The following ERP44 variants were observed in gnomAD, a reference collection of about 807,000 sequenced individuals.
ERP44 encodes the protein endoplasmic reticulum protein 44, also known as endoplasmic reticulum resident protein 44.
A neutral mutation model predicts 53.4 loss-of-function variants in ERP44; 25 were observed. The ratio of observed to expected loss-of-function variants is 0.47; its 90% CI spans 0.34 to 0.65. The LOEUF is 0.65. Ranked by LOEUF, ERP44 falls within the 30% of genes least tolerant of loss-of-function variation. The pLI is 0.01. For synonymous variants in ERP44, 145 were observed against 161.2 expected (o/e 0.90, Z 0.76); for missense variants, 338 against 493.2 (o/e 0.69, Z 2.98).
intron 1 of ERP44, among the ~76,000 whole-genome samples, chr9:100,063,510 C>T (rs1438559358): frequency 6.6e-6 from 1 of 152,138 alleles, no homozygotes; most frequent in Non-Finnish European, 1.5e-5. Flanking sequence ...GGGAAAACAT[C>T]TTCATGTGTC....
At chr9:100,043,167 G>A (rs1281202234) in intron 4 of ERP44, among the ~76,000 whole-genome samples, 2 of 145,222 alleles carry the variant, frequency 1.4e-5, no homozygotes, top group African/African-American at 5.1e-5. Context: ...GCTGAGGCAG[G>A]AGAATGGCCT....
intron 4 of ERP44, 110 bp from the exon 5 acceptor site, chr9:100,022,336 C>T (rs1830600827): frequency 1.4e-6 from 1 of 718,270 alleles, no homozygotes; most frequent in Admixed American, 3.3e-5. Flanking sequence ...TGGTTCAAGT[C>T]ATTGTTTTTC....
In ERP44 at chr9:99,979,465, A is replaced by G. The variant is rs1365674500; in HGVS notation, c.*3147T>C. On this transcript the variant is annotated 3_prime_UTR_variant, in exon 12 of 12. Coordinates refer to ENST00000262455, the MANE Select transcript of ERP44 (RefSeq NM_015051.3). ...ATGCCAGTTTTCCCTTCTTTTGCAA[A>G]TGATCTTTGACAACCTGGCTTCATC... The G allele has an allele frequency of 1.3e-5, 2 of 152,526 alleles. No individual in the cohort carries two copies. Among genetic ancestry groups the G allele is most frequent in the Admixed American group, 1.3e-4 (2 of 15,288 alleles). 9.4% of individuals were successfully genotyped at this position (152,526 alleles called of 1,614,324 possible). A position where few individuals can be genotyped will look rare whatever the true frequency, so the allele number is the denominator to read the frequency against.
chr9:99,998,769 C>T lies in ERP44; in HGVS notation c.1016+7737G>A. ...CTCTTCCCGCAAACGTTTCTTTTCT[C>T]TCTCCTCCTCCGTTCTTCTCGCTTC... is the stretch of plus-strand genomic sequence containing the variant. On this transcript the variant is annotated intron_variant, in intron 10 of 11. Transcript: ENST00000262455. The T allele has an allele frequency of 3.7e-6, 3 of 806,656 alleles. No individual in the cohort carries two copies. In the South Asian group the frequency reaches 4.7e-5, roughly 13 times the overall value. The allele number at this position is 806,656 out of a possible 1,614,324, so 50.0% of individuals were successfully genotyped here. A position where few individuals can be genotyped will look rare whatever the true frequency, so the allele number is the denominator to read the frequency against.
intron 1 of ERP44, among the ~76,000 whole-genome samples, chr9:100,071,402 G>A (rs1334337974): frequency 6.6e-6 from 1 of 152,076 alleles, no homozygotes; most frequent in African/African-American, 2.4e-5. Flanking sequence ...GACTGTTTTT[G>A]GGTGAGTAAA....
chr9:100,078,616 G>A (rs773722768), intron 1 of ERP44, among the ~76,000 whole-genome samples: 4 of 152,000 alleles, frequency 2.6e-5, no homozygotes, highest in African/African-American at 7.3e-5. Context: ...TTAGCTGGGC[G>A]TGGTAGCAGG....
chr9:100,064,356 C>T (rs1305691965), intron 1 of ERP44, among the ~76,000 whole-genome samples: 2 of 151,916 alleles, frequency 1.3e-5, no homozygotes, highest in Non-Finnish European at 2.9e-5. Flanking sequence ...TTTAGAGAGA[C>T]GATATTGGAT....
At chr9:100,077,785 G>A (rs752473225) in intron 1 of ERP44, among the ~76,000 whole-genome samples, 4 of 152,232 alleles carry the variant, frequency 2.6e-5, no homozygotes, top group Non-Finnish European at 5.9e-5. Flanking sequence ...GATGCAATCA[G>A]TCTACTACTC....
rs1262396755 is a variant in ERP44 at position 99,985,061 on chromosome 9, C to T, written c.1025G>A (p.Gly342Glu). ...GTCAAATACGAATTGCTTGAGTTTT[C>T]CAGGAATTCTAAAACCAGAGTCAAA... Reference protein sequence around the residue: ...FGDFKDVLIPGKLKQFVFDLH... With the variant: ...FGDFKDVLIPEKLKQFVFDLH... The change falls in exon 11 of 12, where the codon GGA becomes GAA. Residue 342 changes from glycine to glutamate, a missense_variant. Coordinates refer to ENST00000262455, the MANE Select transcript of ERP44 (RefSeq NM_015051.3). 45 of 1,606,072 alleles carry T rather than the reference C, an allele frequency of 2.8e-5. No individual in the cohort carries two copies. The highest frequency in any genetic ancestry group is 3.8e-5 in the Non-Finnish European group (44 of 1,173,040).
chr9:100,069,841 T>C lies in ERP44; in HGVS notation c.58-9669A>G, dbSNP rs187848697. On this transcript the variant is annotated intron_variant, in intron 1 of 11. Transcript: ENST00000262455. ...GCAATTCATACTTTTTCTTGAATTT[T>C]AGTTATTTGATCATGCATGAATTTC... Among the ~76,000 whole-genome samples, 893 of 152,352 alleles carry C rather than the reference T, an allele frequency of 5.9e-3. 7 individuals carry two copies. Among genetic ancestry groups the C allele is most frequent in the South Asian group, 0.019 (92 of 4,830 alleles).
At chr9:100,073,451 A>G (rs1014446934) in intron 1 of ERP44, among the ~76,000 whole-genome samples, 2 of 152,126 alleles carry the variant, frequency 1.3e-5, no homozygotes, top group Admixed American at 1.3e-4. Context: ...TACCACTCAC[A>G]ATGTAACCTT....
Position 99,980,237 on chromosome 9 carries a change from G to A in ERP44, c.*2375C>T. ...TCATTGTTTACATATCCATATGCCT[G>A]ACTAGGCTGTGAACAACTCTAGGGC... On this transcript the variant is annotated 3_prime_UTR_variant, in exon 12 of 12. Transcript: ENST00000262455. 7.6e-6 allele frequency: 3 copies of A among 394,956 alleles called. No homozygotes were observed. The Admixed American group carries it at 1.3e-4, about 17-fold the overall frequency. 24.5% of individuals were successfully genotyped at this position (394,956 alleles called of 1,614,324 possible). A position where few individuals can be genotyped will look rare whatever the true frequency, so the allele number is the denominator to read the frequency against.
intron 4 of ERP44, among the ~76,000 whole-genome samples, chr9:100,041,811 A>G (rs1450343524): frequency 1.3e-5 from 2 of 152,246 alleles, no homozygotes; most frequent in African/African-American, 2.4e-5. Flanking sequence ...GGGAAAGGAC[A>G]GTCTCTTCAA....
intron 1 of ERP44, among the ~76,000 whole-genome samples, chr9:100,069,215 T>C (rs930890129): frequency 4.0e-5 from 6 of 151,616 alleles, no homozygotes; most frequent in Non-Finnish European, 8.8e-5. Flanking sequence ...GTTTATCTGC[T>C]GACCCTCCCT....
At chr9:100,035,465 C>A (rs984562715) in intron 4 of ERP44, among the ~76,000 whole-genome samples, 2 of 152,186 alleles carry the variant, frequency 1.3e-5, no homozygotes, top group African/African-American at 4.8e-5. Flanking sequence ...CACCTGAGGT[C>A]AGGTGTTCAA....
At position 99,988,270 on chromosome 9, in the gene ERP44, A is replaced by T. The variant is rs563968908; in HGVS notation, c.1017-3201T>A. On this transcript the variant is annotated intron_variant, in intron 10 of 11. Coordinates refer to ENST00000262455, the MANE Select transcript of ERP44 (RefSeq NM_015051.3). ...TCACAGAACAAAAGTTTTTAATTTG[A>T]TGAAGACCAATTTATAAATGATTTC... Among the ~76,000 whole-genome samples, 15 of 152,320 alleles carry T rather than the reference A, an allele frequency of 9.8e-5. No individual in the cohort carries two copies. The South Asian group carries it at 2.9e-3, about 29-fold the overall frequency.
chr9:100,068,240 T>A (rs551946050), intron 1 of ERP44, among the ~76,000 whole-genome samples: 2 of 135,912 alleles, frequency 1.5e-5, no homozygotes, highest in African/African-American at 5.7e-5. Context: ...AGCCGCCCCG[T>A]ACGGAAGGTG....
intron 4 of ERP44, among the ~76,000 whole-genome samples, chr9:100,048,708 C>T (rs1362645762): frequency 1.3e-5 from 2 of 152,130 alleles, no homozygotes; most frequent in African/African-American, 4.8e-5. Flanking sequence ...AATTCTGACG[C>T]ATGCTACAAC....
chr9:100,052,407 A>C lies in ERP44; in HGVS notation c.286+10T>G, dbSNP rs564124016. ...ACAGTCTCTTCTAGACTTCCTATTG[A>C]GGTACTTACAGTGCTGATCACAATC... On this transcript the variant is annotated intron_variant, in intron 4 of 11. Transcript: ENST00000262455. 1.3e-5 allele frequency: 19 copies of C among 1,496,878 alleles called. No individual in the cohort carries two copies. The South Asian group carries it at 1.7e-4, about 14-fold the overall frequency. The allele number at this position is 1,496,878 out of a possible 1,614,324, so 92.7% of individuals were successfully genotyped here.
Sources: allele counts gnomAD v4.1 joint callset (sites outside exome capture counted in the v4.1 genomes callset), GRCh38; gene constraint gnomAD v4.1.1; transcripts MANE v1.5; gene names NCBI Gene and HGNC (gene_info 2026-07-23, HGNC 2026-07-21).